MAMLD1: variants seen among roughly 807,000 people sequenced by gnomAD.
MAMLD1 encodes the protein mastermind-like domain-containing protein 1.
A neutral mutation model predicts 45.0 loss-of-function variants in MAMLD1; 14 were observed. The observed-to-expected ratio is 0.31, with a 90% CI of 0.21 to 0.49. MAMLD1 has a LOEUF of 0.49. Ranked by LOEUF, MAMLD1 falls within the 20% of genes least tolerant of loss-of-function variation. MAMLD1 has a pLI of 0.99. For synonymous variants in MAMLD1, 254 were observed against 247.8 expected, an observed-to-expected ratio of 1.02 and a Z score of -0.24; for missense variants, 543 against 603.6, an observed-to-expected ratio of 0.90 and a Z score of 1.05.
Position 150,471,064 on chromosome X carries a change from G to A in MAMLD1, c.1491G>A (p.Gln497=). 1 of 1,211,409 alleles carries A rather than the reference G, an allele frequency of 8.3e-7. No homozygotes were observed. Among genetic ancestry groups the A allele is most frequent in the Non-Finnish European group, 1.1e-6 (1 of 895,413 alleles). The part of the protein sequence containing the change: ...SNLLSQQQQQ[Q]QQQQQANVIF... ...TTCTAAGCCAGCAACAGCAGCAGCA[G>A]CAGCAGCAGCAGCAAGCAAATGTGA... Residue 497 remains glutamine (Q), a synonymous_variant, in exon 4 of 8, where the codon CAG becomes CAA. Coordinates refer to ENST00000370401, the MANE Select transcript of MAMLD1 (RefSeq NM_005491.5).
At chrX:150,444,177 G>A (rs1387882474) in intron 1 of MAMLD1, among the ~76,000 whole-genome samples, 2 of 111,658 alleles carry the variant, frequency 1.8e-5, no homozygotes, top group African/African-American at 6.5e-5. Flanking sequence ...GTGCGGATAG[G>A]GAAGGGCACC....
intron 1 of MAMLD1, among the ~76,000 whole-genome samples, chrX:150,383,580 G>GT (rs1330658389): frequency 9.0e-6 from 1 of 111,174 alleles, no homozygotes. Context: ...GTTGTAAATG[G>GT]TATGTGTTCT....
rs1224053683 is a variant in MAMLD1, at chrX:150,382,913, T to A, written c.-64+19383T>A. Among the ~76,000 whole-genome samples the A allele has an allele frequency of 8.1e-5, 2 of 24,642 alleles. 1 individual carries two copies. The highest frequency in any genetic ancestry group is 1.1e-3 in the African/African-American group (2 of 1,741). 21.4% of individuals were successfully genotyped at this position (24,642 alleles called of 115,157 possible). On this transcript the variant is annotated intron_variant, in intron 1 of 7. Transcript: ENST00000370401. The stretch of plus-strand genomic sequence containing the variant: ...TTTTTTTTTTTTTATTTTTTATTTT[T>A]TTTTTTTTTGAGACGGAGTCTCGCT...
At chrX:150,411,070 G>A (rs1462952784) in intron 1 of MAMLD1, among the ~76,000 whole-genome samples, 9 of 111,773 alleles carry the variant, frequency 8.1e-5, no homozygotes, top group African/African-American at 2.3e-4. Flanking sequence ...GTGGCCCAGG[G>A]AAGTAAAAAA....
rs186713258 is a variant in MAMLD1 at position 150,436,075 on chromosome X, G to A, written c.-63-9379G>A. On this transcript the variant is annotated intron_variant, in intron 1 of 7. Coordinates refer to ENST00000370401, the MANE Select transcript of MAMLD1 (RefSeq NM_005491.5). Reference sequence around the variant, plus strand: ...TTTTCTAGCATGTAGGGTTTCTGCCGAATGGTCTGCTGTTAGCCTGATGGG... The same window carrying A: ...TTTTCTAGCATGTAGGGTTTCTGCCAAATGGTCTGCTGTTAGCCTGATGGG... Among the ~76,000 whole-genome samples the A allele has an allele frequency of 3.3e-4, 37 of 111,718 alleles. No individual in the cohort carries two copies. The East Asian group carries it at 4.7e-3, about 14-fold the overall frequency.
chrX:150,398,621 A>T (rs1228089792), intron 1 of MAMLD1, among the ~76,000 whole-genome samples: 1 of 111,200 alleles, frequency 9.0e-6, no homozygotes, highest in Non-Finnish European at 1.9e-5. Flanking sequence ...CACAATTGGG[A>T]TATAGAGATA....
chrX:150,500,356 G>A (rs1193352385), intron 5 of MAMLD1, among the ~76,000 whole-genome samples: 3 of 111,344 alleles, frequency 2.7e-5, no homozygotes, highest in Non-Finnish European at 5.7e-5. Flanking sequence ...CTGGGGGTAC[G>A]TGACATTATG....
At chrX:150,500,061 G>C (rs187731005) in intron 5 of MAMLD1, among the ~76,000 whole-genome samples, 2 of 112,334 alleles carry the variant, frequency 1.8e-5, no homozygotes, top group Non-Finnish European at 3.8e-5. Flanking sequence ...TGAGCCCTTT[G>C]CCTGGGCTAG....
In MAMLD1 at chrX:150,417,024, T is replaced by C. The variant is rs1557403079; in HGVS notation, c.-63-28430T>C. On this transcript the variant is annotated intron_variant, in intron 1 of 7. Coordinates refer to ENST00000370401, the MANE Select transcript of MAMLD1 (RefSeq NM_005491.5). ...TTCTTTCTTTCTTTCTTTTTTTTTA[T>C]TATACTTTAAGTTTTAGGGTACATG... Among the ~76,000 whole-genome samples the C allele has an allele frequency of 2.7e-5, 3 of 111,424 alleles. No homozygotes were observed. The East Asian group carries it at 8.4e-4, about 31-fold the overall frequency.
chrX:150,467,123 A>AG (rs2036248835), intron 3 of MAMLD1, among the ~76,000 whole-genome samples: 1 of 110,274 alleles, frequency 9.1e-6, no homozygotes, highest in African/African-American at 3.3e-5. Flanking sequence ...CCTGCAGGGG[A>AG]TCCTTATGTC....
intron 1 of MAMLD1, among the ~76,000 whole-genome samples, chrX:150,390,856 GCAA>G (rs1396168258): frequency 2.7e-5 from 3 of 112,096 alleles, no homozygotes; most frequent in South Asian, 3.7e-4. Context: ...GGGATTCTTA[GCAA>G]CAACATCTTT....
intron 1 of MAMLD1, among the ~76,000 whole-genome samples, chrX:150,402,882 T>C (rs1242193778): frequency 9.2e-6 from 1 of 108,641 alleles, no homozygotes; most frequent in Non-Finnish European, 1.9e-5. Context: ...TGAGAACACA[T>C]GGACACAGGA....
intron 1 of MAMLD1, among the ~76,000 whole-genome samples, chrX:150,406,180 C>A (rs1372921676): frequency 9.0e-6 from 1 of 111,181 alleles, no homozygotes; most frequent in Non-Finnish European, 1.9e-5. Flanking sequence ...CTTATAGTGT[C>A]TCTTTTTAAC....
intron 5 of MAMLD1, among the ~76,000 whole-genome samples, chrX:150,485,163 C>G (rs782342778): frequency 9.0e-6 from 1 of 111,518 alleles, no homozygotes; most frequent in South Asian, 3.9e-4. Context: ...AGCCACATCC[C>G]CCATCTGTCC....
intron 5 of MAMLD1, among the ~76,000 whole-genome samples, chrX:150,496,354 G>A (rs1331987094): frequency 8.0e-5 from 9 of 112,658 alleles, no homozygotes; most frequent in Non-Finnish European, 1.7e-4. Context: ...GTTACATATG[G>A]TGTGACTTTG....
Position 150,470,350 on chromosome X carries a change from G to A in MAMLD1, c.777G>A (p.Gly259=), listed in dbSNP as rs1222159477. 2 of 1,207,545 alleles carry A rather than the reference G, an allele frequency of 1.7e-6. No homozygotes were observed. The highest frequency in any genetic ancestry group is 3.5e-5 in the African/African-American group (2 of 57,170). ...MSLQIPSSST[G]ISYSIPSTSK... ...TTCAGATCCCATCCTCCTCCACAGG[G>A]ATCAGCTATTCGATTCCTTCCACCA... Residue 259 remains glycine, a synonymous_variant, in exon 4 of 8, where the codon GGG becomes GGA. Transcript: ENST00000370401.
intron 5 of MAMLD1, among the ~76,000 whole-genome samples, chrX:150,481,740 G>C (rs1355884339): frequency 5.6e-5 from 6 of 107,755 alleles, no homozygotes; most frequent in African/African-American, 2.0e-4. Flanking sequence ...TGAGGTGGGA[G>C]GATTGCTTGA....
At chrX:150,482,622 G>A (rs2036852543) in intron 5 of MAMLD1, among the ~76,000 whole-genome samples, 2 of 112,427 alleles carry the variant, frequency 1.8e-5, no homozygotes, top group African/African-American at 3.2e-5. Context: ...TAATATTAGT[G>A]TACAATCTAA....
rs781797143 is a variant in MAMLD1 at position 150,382,987 on chromosome X, C to T, written c.-64+19457C>T. ...TGGCGCGATCTCGGCTCACTGCAAGCTCCGCCTCCCGGGTTCACGCCATTC... is the reference window on the plus strand; with the variant it reads ...TGGCGCGATCTCGGCTCACTGCAAGTTCCGCCTCCCGGGTTCACGCCATTC... On this transcript the variant is annotated intron_variant, in intron 1 of 7. Transcript: ENST00000370401. Among the ~76,000 whole-genome samples the T allele has an allele frequency of 8.7e-4, 33 of 37,776 alleles. 8 individuals carry two copies. The South Asian group carries it at 0.011, about 13-fold the overall frequency. 32.8% of individuals were successfully genotyped at this position (37,776 alleles called of 115,157 possible). A position where few individuals can be genotyped will look rare whatever the true frequency, so the allele number is the denominator to read the frequency against.
Sources: allele counts gnomAD v4.1 joint callset (sites outside exome capture counted in the v4.1 genomes callset), GRCh38; gene constraint gnomAD v4.1.1; transcripts MANE v1.5; gene names NCBI Gene and HGNC (gene_info 2026-07-23, HGNC 2026-07-21).